Variants in DENND5B observed in about 807,000 individuals in gnomAD.
DENND5B encodes the protein DENN domain-containing protein 5B.
In DENND5B, 34 loss-of-function variants were observed where a neutral mutation model predicts 140.6. The observed-to-expected ratio is 0.24, with a 90% CI of 0.18 to 0.32. DENND5B has a LOEUF of 0.32. Among genes scored for constraint, DENND5B ranks in the 10% least tolerant of loss-of-function variants. The pLI, the probability that DENND5B is intolerant of heterozygous loss-of-function variation, is 1.00. For synonymous variants in DENND5B, 551 were observed against 562.1 expected (o/e 0.98, Z 0.28); for missense variants, 1,142 against 1,560.2 (o/e 0.73, Z 4.52).
chr12:31,416,080 G>A (rs1045919908), intron 11 of DENND5B, among the ~76,000 whole-genome samples: 15 of 151,880 alleles, frequency 9.9e-5, no homozygotes, highest in East Asian at 1.9e-4. Context: ...GAGGTGATCC[G>A]CCTGCCTCGG....
chr12:31,563,267 T>C (rs1488801368), intron 1 of DENND5B, among the ~76,000 whole-genome samples: 5 of 152,164 alleles, frequency 3.3e-5, no homozygotes, highest in African/African-American at 1.2e-4. Flanking sequence ...GCCCACCTTT[T>C]TCAACACCGC....
chr12:31,460,153 T>A (rs1465227784), intron 4 of DENND5B, 41 bp downstream of exon 4: 36 of 1,573,122 alleles, frequency 2.3e-5, no homozygotes, highest in Non-Finnish European at 3.1e-5. Context: ...TTGACCTAAA[T>A]CAGCAAACAG....
intron 1 of DENND5B, among the ~76,000 whole-genome samples, chr12:31,524,709 C>T (rs1282773152): frequency 8.9e-6 from 1 of 112,200 alleles, no homozygotes; most frequent in Non-Finnish European, 1.8e-5. Flanking sequence ...AAACCAAAAA[C>T]AAAGAAAAAG....
Position 31,402,515 on chromosome 12 carries a change from G to A in DENND5B, c.2932C>T (p.Leu978Phe). ...GAACCTACCTCAAAGGTCATTTCGA[G>A]GAGGTTTTTGGGAATCTGCATTACT... ...TGVMQIPKNL[L>F]EMTFECQNLG... Residue 978 changes from leucine to phenylalanine, a missense_variant, in exon 15 of 21, where the codon CTC (leucine) becomes TTC (phenylalanine). This residue lies in a region of DENND5B where 268 missense variants were observed against 349.2 expected (regional missense o/e 0.77). Transcript: ENST00000389082. 1 of 1,613,362 alleles carries A rather than the reference G, an allele frequency of 6.2e-7. No homozygotes were observed. Among genetic ancestry groups the A allele is most frequent in the Non-Finnish European group, 8.5e-7 (1 of 1,179,674 alleles).
At chr12:31,449,431 A>T (rs7963161) in intron 5 of DENND5B, among the ~76,000 whole-genome samples, 86,182 of 151,332 alleles carry the variant, frequency 0.57, 25,009 homozygotes, top group East Asian at 0.82. Context: ...GCCTTTTTTT[A>T]AAAAAAGTGG....
intron 1 of DENND5B, chr12:31,534,916 T>C: frequency 2.9e-6 from 1 of 345,872 alleles, no homozygotes; most frequent in African/African-American, 2.3e-5. Flanking sequence ...TCAAGAGGCT[T>C]TGGTTTGATT....
intron 11 of DENND5B, among the ~76,000 whole-genome samples, chr12:31,415,950 C>T (rs558138408): frequency 6.5e-4 from 99 of 152,176 alleles, no homozygotes; most frequent in African/African-American, 2.4e-3. Context: ...ATTCTCCCGC[C>T]TCAGTCTCCC....
chr12:31,511,527 A>C (rs946373740), intron 1 of DENND5B, among the ~76,000 whole-genome samples: 1 of 130,994 alleles, frequency 7.6e-6, no homozygotes, highest in African/African-American at 2.9e-5. Flanking sequence ...ATAATACGTG[A>C]ATATGATGTC....
intron 13 of DENND5B, among the ~76,000 whole-genome samples, chr12:31,411,564 C>T (rs1037558156): frequency 5.3e-5 from 8 of 151,364 alleles, no homozygotes; most frequent in African/African-American, 1.7e-4. Context: ...AGGATGGTCT[C>T]GATCTCCTGA....
chr12:31,465,042 T>A (rs1417675025), intron 3 of DENND5B: 4 of 152,154 alleles, frequency 2.6e-5, no homozygotes, highest in African/African-American at 9.7e-5. Flanking sequence ...AAACATACTG[T>A]CAAAAATGTG....
chr12:31,479,843 G>A lies in DENND5B; in HGVS notation c.650C>T (p.Ser217Leu). 6.2e-7 allele frequency: 1 copy of A among 1,613,938 alleles called. No individual in the cohort carries two copies. ...AAGTGGCAAGGGTGGTGGCTGCTGTGAGGTAACAGCCTTGTAAAGCTGGAT... is the reference window on the plus strand; with the variant it reads ...AAGTGGCAAGGGTGGTGGCTGCTGTAAGGTAACAGCCTTGTAAAGCTGGAT... ...FLIQLYKAVTSQQPPPLPLES... is the reference protein window; with the variant it reads ...FLIQLYKAVTLQQPPPLPLES... The change falls in exon 3 of 21, where the codon TCA becomes TTA. Residue 217 changes from serine (S) to leucine (L), a missense_variant. Physicochemically the swap from Ser to Leu is moderately radical, Grantham distance 145 (BLOSUM62 -2). Around this residue, in one of 5 missense-constraint regions of DENND5B, gnomAD observed 708 missense variants for 905.5 expected, o/e 0.78. Transcript: ENST00000389082.
intron 1 of DENND5B, among the ~76,000 whole-genome samples, chr12:31,530,521 T>C (rs1218130240): frequency 1.3e-5 from 2 of 152,252 alleles, no homozygotes; most frequent in Non-Finnish European, 2.9e-5. Context: ...GTATCCATTA[T>C]TCCAACATAG....
chr12:31,585,689 C>T (rs562034088), intron 1 of DENND5B, among the ~76,000 whole-genome samples: 3 of 152,188 alleles, frequency 2.0e-5, no homozygotes, highest in East Asian at 1.9e-4. Flanking sequence ...CAAGAACTAA[C>T]GTGACATGAT....
intron 11 of DENND5B, among the ~76,000 whole-genome samples, chr12:31,422,986 G>C (rs1472587678): frequency 1.3e-5 from 2 of 150,484 alleles, no homozygotes; most frequent in East Asian, 3.9e-4. Context: ...TGTCACCCAG[G>C]CTGTAGTGCA....
chr12:31,395,508 G>A lies in DENND5B; in HGVS notation c.3256+2667C>T, dbSNP rs185402685. On this transcript the variant is annotated intron_variant, in intron 17 of 20. Coordinates refer to ENST00000389082, the MANE Select transcript of DENND5B (RefSeq NM_144973.4). ...TTTGGGAGGCTGAGGCAGGAGAATCGCTTGAACCTGGGAAGCGGAGGTTGC... is the reference window on the plus strand; with the variant it reads ...TTTGGGAGGCTGAGGCAGGAGAATCACTTGAACCTGGGAAGCGGAGGTTGC... 2.6e-5 allele frequency among the ~76,000 whole-genome samples: 4 copies of A among 152,268 alleles called. No homozygotes were observed. The East Asian group carries it at 7.7e-4, about 29-fold the overall frequency.
intron 1 of DENND5B, among the ~76,000 whole-genome samples, chr12:31,523,951 C>A (rs1368972633): frequency 5.3e-5 from 8 of 151,358 alleles, no homozygotes; most frequent in East Asian, 3.9e-4. Flanking sequence ...TCATAGCATT[C>A]TTTCTACCAT....
intron 19 of DENND5B, among the ~76,000 whole-genome samples, chr12:31,391,901 G>A (rs1255777464): frequency 6.6e-6 from 1 of 152,084 alleles, no homozygotes; most frequent in Non-Finnish European, 1.5e-5. Context: ...AGCACTTTGG[G>A]AGGCTGAGGC....
At chr12:31,483,581 C>T (rs1245051250) in intron 2 of DENND5B, among the ~76,000 whole-genome samples, 6 of 151,902 alleles carry the variant, frequency 3.9e-5, no homozygotes, top group African/African-American at 1.2e-4. Flanking sequence ...GCTGGGATTA[C>T]AGGCGTCTGC....
intron 14 of DENND5B, among the ~76,000 whole-genome samples, chr12:31,408,198 C>G (rs1240184966): frequency 6.6e-6 from 1 of 151,788 alleles, no homozygotes; most frequent in Non-Finnish European, 1.5e-5. Context: ...ATTTGGGAGG[C>G]TAAGGCAGGA....
Sources: gnomAD v4.1 joint callset for allele counts (sites outside exome capture counted in the v4.1 genomes callset) on GRCh38, gnomAD v4.1.1 for gene constraint, gnomAD v4.1.1 regional missense constraint, MANE v1.5 for transcripts, NCBI Gene and HGNC (gene_info 2026-07-23, HGNC 2026-07-21) for gene names.